Variants in SLC25A26 observed in about 807,000 individuals in gnomAD.
The protein encoded by SLC25A26 is mitochondrial S-adenosylmethionine carrier protein.
Under a neutral mutation model 37.8 loss-of-function variants are expected in SLC25A26, and 36 were observed. The ratio of observed to expected loss-of-function variants is 0.95; its 90% CI spans 0.73 to 1.26. The LOEUF is 1.26. SLC25A26 is among the 50% of genes most tolerant of loss of function. SLC25A26 has a pLI of 0.00. For synonymous variants in SLC25A26, 129 were observed against 122.5 expected, an observed-to-expected ratio of 1.05 and a Z score of -0.35; for missense variants, 390 against 331.1, an observed-to-expected ratio of 1.18 and a Z score of -1.38.
At chr3:66,143,940 C>T (rs1030173542) in intron 1 of SLC25A26, among the ~76,000 whole-genome samples, 6 of 152,032 alleles carry the variant, frequency 3.9e-5, no homozygotes, top group Admixed American at 2.0e-4. Flanking sequence ...AGTGGGGAGT[C>T]CTTCTAAGTA....
At chr3:66,216,627 T>G (rs963627069), upstream of SLC25A26, among the ~76,000 whole-genome samples, 35 of 152,224 alleles carry the variant, frequency 2.3e-4, no homozygotes, top group South Asian at 4.6e-3. Context: ...TTTTGTTTTT[T>G]TTTTTGTGCT....
At chr3:66,183,222 G>C (rs2070750583) in intron 1 of SLC25A26, among the ~76,000 whole-genome samples, 1 of 151,614 alleles carries the variant, frequency 6.6e-6, no homozygotes, top group Non-Finnish European at 1.5e-5. Flanking sequence ...GCCTCCTGTT[G>C]AACCATAGCC....
chr3:66,307,066 C>T (rs2075247410), intron 5 of SLC25A26, among the ~76,000 whole-genome samples: 1 of 152,148 alleles, frequency 6.6e-6, no homozygotes, highest in Non-Finnish European at 1.5e-5. Context: ...GTTCTAGTTC[C>T]TTGAGGAATT....
At chr3:66,357,300 G>C (rs2076598710) in intron 6 of SLC25A26, among the ~76,000 whole-genome samples, 1 of 152,224 alleles carries the variant, frequency 6.6e-6, no homozygotes, top group South Asian at 2.1e-4. Context: ...CATAGTCCCA[G>C]TTACTCAGGA....
At chr3:66,342,242 G>A (rs1478684933) in intron 5 of SLC25A26, among the ~76,000 whole-genome samples, 1 of 152,056 alleles carries the variant, frequency 6.6e-6, no homozygotes, top group African/African-American at 2.4e-5. Context: ...CTTGCACACG[G>A]TTTCTGTGTT....
At chr3:66,142,443 A>G (rs2070049422) in intron 1 of SLC25A26, among the ~76,000 whole-genome samples, 2 of 152,130 alleles carry the variant, frequency 1.3e-5, no homozygotes, top group African/African-American at 4.8e-5. Context: ...AGTAGACTAT[A>G]AAAGAATTTT....
At chr3:66,134,622 C>G (rs2069919604) in intron 1 of SLC25A26, among the ~76,000 whole-genome samples, 1 of 152,124 alleles carries the variant, frequency 6.6e-6, no homozygotes, top group Non-Finnish European at 1.5e-5. Flanking sequence ...CACTATAAAA[C>G]AGTACTTTTT....
At chr3:66,138,124 A>G (rs764616361) in intron 1 of SLC25A26, among the ~76,000 whole-genome samples, 10 of 152,164 alleles carry the variant, frequency 6.6e-5, no homozygotes, top group Non-Finnish European at 1.3e-4. Context: ...ATGAGCCACC[A>G]TGATCGGCCC....
chr3:66,232,367 T>G (rs1049149009), intron 1 of SLC25A26, among the ~76,000 whole-genome samples: 2 of 152,238 alleles, frequency 1.3e-5, no homozygotes, highest in African/African-American at 4.8e-5. Flanking sequence ...AAAAATTCAG[T>G]GTACCTTTTT....
chr3:66,352,138 A>C (rs2076467120), intron 6 of SLC25A26, among the ~76,000 whole-genome samples: 2 of 152,168 alleles, frequency 1.3e-5, no homozygotes, highest in African/African-American at 4.8e-5. Flanking sequence ...AGTCCCAACT[A>C]TGTGGGAGGC....
chr3:66,350,532 A>G (rs1341369500), intron 6 of SLC25A26, among the ~76,000 whole-genome samples: 4 of 152,092 alleles, frequency 2.6e-5, no homozygotes, highest in South Asian at 2.1e-4. Flanking sequence ...TATCCATTCT[A>G]CATTTTGGAT....
At chr3:66,150,603 G>GATAC (rs2070189442) in intron 1 of SLC25A26, among the ~76,000 whole-genome samples, 1 of 26,110 alleles carries the variant, frequency 3.8e-5, no homozygotes, top group Non-Finnish European at 7.4e-5. Flanking sequence ...TATGTAATGA[G>GATAC]ATATATATAT....
At chr3:66,202,599 C>T (rs1256823539) in intron 1 of SLC25A26, among the ~76,000 whole-genome samples, 1 of 151,178 alleles carries the variant, frequency 6.6e-6, no homozygotes, top group Non-Finnish European at 1.5e-5. Flanking sequence ...GGTAGATGTC[C>T]CAAGCTTGCT....
chr3:66,201,064 A>G (rs908248244), intron 1 of SLC25A26, among the ~76,000 whole-genome samples: 8 of 152,294 alleles, frequency 5.3e-5, no homozygotes, highest in African/African-American at 1.9e-4. Flanking sequence ...TGGAAGAAAG[A>G]CAATGGACTG....
At position 66,284,816 on chromosome 3, in the gene SLC25A26, G is replaced by A. The variant is rs533866398; in HGVS notation, c.453+21437G>A. Among the ~76,000 whole-genome samples the A allele has an allele frequency of 5.3e-5, 8 of 152,236 alleles. No individual in the cohort carries two copies. In the East Asian group the frequency reaches 1.5e-3, roughly 29 times the overall value. ...TCTATTGAGATATCAAGAAAACACG[G>A]CGAAAGGTTAATAATATTTGGGAAT... On this transcript the variant is annotated intron_variant, in intron 5 of 9. Transcript: ENST00000354883.
At chr3:66,357,816 G>A (rs1476430449) in intron 6 of SLC25A26, among the ~76,000 whole-genome samples, 2 of 152,052 alleles carry the variant, frequency 1.3e-5, no homozygotes, top group Non-Finnish European at 2.9e-5. Context: ...ACTAGAAGTT[G>A]AGCTGTATAT....
intron 1 of SLC25A26, among the ~76,000 whole-genome samples, chr3:66,169,589 C>G (rs963528745): frequency 3.9e-5 from 6 of 152,098 alleles, no homozygotes; most frequent in Admixed American, 2.0e-4. Flanking sequence ...AGGTTTCGCC[C>G]TTAGAATTTC....
chr3:66,155,469 T>C (rs2070268639), intron 1 of SLC25A26, among the ~76,000 whole-genome samples: 1 of 152,190 alleles, frequency 6.6e-6, no homozygotes, highest in Admixed American at 6.5e-5. Flanking sequence ...GCCACTGTGA[T>C]TGTGCCACTG....
At chr3:66,175,160 CATT>C (rs2070567333) in intron 1 of SLC25A26, among the ~76,000 whole-genome samples, 3 of 114,324 alleles carry the variant, frequency 2.6e-5, no homozygotes, top group South Asian at 7.7e-4. Context: ...CACACACACA[CATT>C]ATATGTATAT....
Sources: allele counts gnomAD v4.1 joint callset (sites outside exome capture counted in the v4.1 genomes callset), GRCh38; gene constraint gnomAD v4.1.1; transcripts MANE v1.5; gene names NCBI Gene and HGNC (gene_info 2026-07-23, HGNC 2026-07-21).